Variants in ALDH18A1 observed in about 807,000 individuals in gnomAD.
ALDH18A1 encodes delta-1-pyrroline-5-carboxylate synthase.
A neutral mutation model predicts 88.8 loss-of-function variants in ALDH18A1; 44 were observed. The observed-to-expected ratio is 0.50, with a 90% CI of 0.39 to 0.64. The LOEUF (loss-of-function observed/expected upper bound fraction) is 0.64, where lower values mean the gene tolerates loss of function less well. Among genes scored for constraint, ALDH18A1 ranks in the 30% least tolerant of loss-of-function variants. The pLI is 0.00. For synonymous variants in ALDH18A1, 331 were observed against 372.1 expected, an observed-to-expected ratio of 0.89 and a Z score of 1.27; for missense variants, 782 against 1,009.5, an observed-to-expected ratio of 0.77 and a Z score of 3.05.
chr10:95,631,955 G>A lies in ALDH18A1; in HGVS notation c.808+1004C>T, dbSNP rs143641701. 5.5e-3 allele frequency among the ~76,000 whole-genome samples: 839 copies of A among 152,168 alleles called. 4 individuals carry two copies. Among genetic ancestry groups the A allele is most frequent in the Non-Finnish European group, 0.011 (717 of 68,000 alleles). ...AATAAAAACATGTTCACACAAAAAC[G>A]TGTCATGAATGTTCACAGCTAATGT... On this transcript the variant is annotated intron_variant, in intron 7 of 17. Coordinates refer to ENST00000371224, the MANE Select transcript of ALDH18A1 (RefSeq NM_002860.4).
intron 17 of ALDH18A1, 62 bp from the exon 18 acceptor site, chr10:95,607,005 C>T: frequency 6.5e-7 from 1 of 1,533,362 alleles, no homozygotes; most frequent in Non-Finnish European, 9.0e-7. Flanking sequence ...GTCCATGCCC[C>T]AGACCCACCC....
At chr10:95,643,329 G>T in intron 2 of ALDH18A1, 123 bp from the exon 3 acceptor site, 1 of 968,632 alleles carries the variant, frequency 1.0e-6, no homozygotes, top group Non-Finnish European at 1.6e-6. Flanking sequence ...ATTATTAACT[G>T]TGTAAAACTA....
In ALDH18A1 at chr10:95,627,520, TTGG is replaced by T. The variant is rs1299654249; in HGVS notation, c.997_999del (p.Pro333del). 1 of 1,614,136 alleles carries T rather than the reference TTGG, an allele frequency of 6.2e-7. No individual in the cohort carries two copies. Among genetic ancestry groups the T allele is most frequent in the Non-Finnish European group, 8.5e-7 (1 of 1,179,982 alleles). On this transcript the variant is annotated inframe_deletion, in exon 9 of 18. Coordinates refer to ENST00000371224, the MANE Select transcript of ALDH18A1 (RefSeq NM_002860.4). ...TCTGTGATGACGTGCCCAGACACCT[TTGG>T]GTGGGTTCCATTGGCAATAACAACA...
rs1426090055 is a variant in ALDH18A1, at chr10:95,637,280, C to T, written c.453+7G>A. On this transcript the variant is annotated splice_region_variant and intron_variant, in intron 4 of 17. Coordinates refer to ENST00000371224, the MANE Select transcript of ALDH18A1 (RefSeq NM_002860.4). ...TCCATTTCAATGTGTGGGGAAGCAGCACTCACCATTTCTTTCAGCTGGTTC... is the reference window on the plus strand; with the variant it reads ...TCCATTTCAATGTGTGGGGAAGCAGTACTCACCATTTCTTTCAGCTGGTTC... 1 of 1,614,200 alleles carries T rather than the reference C, an allele frequency of 6.2e-7. No individual in the cohort carries two copies. Among genetic ancestry groups the T allele is most frequent in the Non-Finnish European group, 8.5e-7 (1 of 1,180,030 alleles).
At chr10:95,635,759 A>G (rs2097879503) in intron 5 of ALDH18A1, among the ~76,000 whole-genome samples, 1 of 152,168 alleles carries the variant, frequency 6.6e-6, no homozygotes, top group Non-Finnish European at 1.5e-5. Context: ...CTGATGCTGC[A>G]TGGACTCTTA....
chr10:95,609,910 A>G (rs1037852780), intron 17 of ALDH18A1, among the ~76,000 whole-genome samples: 1 of 151,828 alleles, frequency 6.6e-6, no homozygotes, highest in Admixed American at 6.6e-5. Context: ...CTGGGATTAC[A>G]GGCATGCACC....
chr10:95,620,654 A>T (rs2097850692), intron 12 of ALDH18A1, among the ~76,000 whole-genome samples: 1 of 151,876 alleles, frequency 6.6e-6, no homozygotes, highest in African/African-American at 2.4e-5. Context: ...AAGCTGCATG[A>T]TTCTCTTGAG....
rs1336195473 is a variant in ALDH18A1 at position 95,626,741 on chromosome 10, A to G, written c.1114T>C (p.Ser372Pro). The G allele has an allele frequency of 1.2e-6, 2 of 1,613,834 alleles. No homozygotes were observed. Among genetic ancestry groups the G allele is most frequent in the Admixed American group, 3.3e-5 (2 of 59,986 alleles). The part of the protein sequence containing the change: ...TVEQQGEMAR[S>P]GGRMLATLEP... Reference sequence around the variant, plus strand: ...AAGGTGGCCAACATCCTTCCTCCAGATCGCGCCATTTCTCCCTGCTGCTCA... The same window carrying G: ...AAGGTGGCCAACATCCTTCCTCCAGGTCGCGCCATTTCTCCCTGCTGCTCA... The change falls in exon 10 of 18, where the codon TCT (serine) becomes CCT (proline). Residue 372 changes from serine to proline, a missense_variant. By Grantham distance (74) the Ser-to-Pro change is moderately conservative (BLOSUM62 -1). Transcript: ENST00000371224.
Position 95,653,339 on chromosome 10 carries a change from G to T in ALDH18A1, c.39C>A (p.Phe13Leu). 1 of 1,612,962 alleles carries T rather than the reference G, an allele frequency of 6.2e-7. No individual in the cohort carries two copies. The highest frequency in any genetic ancestry group is 8.5e-7 in the Non-Finnish European group (1 of 1,179,900). Residue 13 changes from phenylalanine (F) to leucine (L), a missense_variant, in exon 2 of 18, where the codon TTC becomes TTA. Physicochemically the swap from Phe to Leu is conservative, Grantham distance 22. This residue lies in a region of ALDH18A1 where 94 missense variants were observed against 99.5 expected (regional missense o/e 0.94). Transcript: ENST00000371224. ...SQVYRCGFQP[F>L]NQHLLPWVKC... is the part of the protein sequence containing the mutation. ...TGACCCAGGGCAGAAGATGTTGGTT[G>T]AAGGGCTGGAACCCACAGCGGTAAA...
At chr10:95,626,821 T>G (rs1566017844) in intron 9 of ALDH18A1, 45 bp from the exon 10 acceptor site, 2 of 1,597,190 alleles carry the variant, frequency 1.3e-6, no homozygotes, top group Non-Finnish European at 1.7e-6. Flanking sequence ...ACCTTAGTTC[T>G]CTCTCTAGTT....
chr10:95,644,736 A>G (rs535672927), intron 2 of ALDH18A1, among the ~76,000 whole-genome samples: 1 of 152,358 alleles, frequency 6.6e-6, no homozygotes, highest in Admixed American at 6.5e-5. Context: ...CTAACAAGAT[A>G]CATGTGAAAA....
intron 16 of ALDH18A1, among the ~76,000 whole-genome samples, chr10:95,611,038 G>A (rs535314591): frequency 6.3e-4 from 96 of 152,254 alleles, no homozygotes; most frequent in Admixed American, 1.2e-3. Context: ...AGTCATCTTC[G>A]AAGCAGAGCT....
intron 7 of ALDH18A1, 21 bp from the exon 8 acceptor site, chr10:95,628,513 A>C (rs2097863535): frequency 6.2e-7 from 1 of 1,610,788 alleles, no homozygotes; most frequent in Non-Finnish European, 8.5e-7. Flanking sequence ...GACAAGAGTC[A>C]GTAATACTGC....
At chr10:95,629,404 C>T (rs1393077616) in intron 7 of ALDH18A1, among the ~76,000 whole-genome samples, 2 of 152,310 alleles carry the variant, frequency 1.3e-5, no homozygotes, top group South Asian at 2.1e-4. Flanking sequence ...TACATACTAC[C>T]TCTCTGCAGG....
chr10:95,611,561 A>G (rs547276870), intron 15 of ALDH18A1, 119 bp from the exon 16 acceptor site: 1 of 1,081,342 alleles, frequency 9.2e-7, no homozygotes, highest in African/African-American at 1.5e-5. Context: ...TGTAGCCTCA[A>G]CAACTGAACT....
intron 2 of ALDH18A1, among the ~76,000 whole-genome samples, chr10:95,643,436 TTGG>T (rs1406727324): frequency 6.6e-6 from 1 of 152,202 alleles, no homozygotes; most frequent in Non-Finnish European, 1.5e-5. Flanking sequence ...TCAAATGCTG[TTGG>T]TGAAGAGTAC....
At chr10:95,616,435 T>C in intron 13 of ALDH18A1, 42 bp downstream of exon 13, 3 of 1,552,560 alleles carry the variant, frequency 1.9e-6, no homozygotes, top group Non-Finnish European at 8.7e-7. Flanking sequence ...ACACCTGATC[T>C]GGCCCCTCTG....
At chr10:95,621,884 A>G (rs2097853212) in intron 11 of ALDH18A1, among the ~76,000 whole-genome samples, 1 of 152,200 alleles carries the variant, frequency 6.6e-6, no homozygotes, top group African/African-American at 2.4e-5. Context: ...ATATTCAGAC[A>G]ATGGTTTATA....
At chr10:95,649,061 T>C (rs1455330488) in intron 2 of ALDH18A1, among the ~76,000 whole-genome samples, 1 of 152,190 alleles carries the variant, frequency 6.6e-6, no homozygotes, top group East Asian at 1.9e-4. Flanking sequence ...GCAATGAAGC[T>C]TGGAAATGGA....
Sources: allele counts gnomAD v4.1 joint callset (sites outside exome capture counted in the v4.1 genomes callset), GRCh38; gene constraint gnomAD v4.1.1; regional missense constraint gnomAD v4.1.1; transcripts MANE v1.5; gene names NCBI Gene and HGNC (gene_info 2026-07-23, HGNC 2026-07-21).